Variants in KAZN observed in about 807,000 individuals in gnomAD.
KAZN encodes the protein kazrin.
In KAZN, 40 loss-of-function variants were observed where a neutral mutation model predicts 87.4. That is an observed-to-expected ratio of 0.46 (90% confidence interval 0.36 to 0.60). The LOEUF (loss-of-function observed/expected upper bound fraction) is 0.60, where lower values mean the gene tolerates loss of function less well. KAZN is among the 20% of genes least tolerant of loss of function. KAZN has a pLI of 0.00. For missense variants in KAZN, 898 were observed against 1,073.9 expected (o/e 0.84, Z 2.29); for synonymous variants, 466 against 458.3 (o/e 1.02, Z -0.22).
chr1:14,703,741 A>G (rs1017751225), intron 1 of KAZN, among the ~76,000 whole-genome samples: 2 of 152,104 alleles, frequency 1.3e-5, no homozygotes, highest in African/African-American at 4.8e-5. Context: ...TTAGCCAGGC[A>G]TGGTGGCACA....
intron 2 of KAZN, among the ~76,000 whole-genome samples, chr1:14,551,608 T>C (rs1316838721): frequency 6.6e-6 from 1 of 152,202 alleles, no homozygotes; most frequent in East Asian, 1.9e-4. Context: ...CGTTCCTTTC[T>C]AGGTCAAGGC....
chr1:13,951,103 C>A (rs1641328977), intron 1 of KAZN, among the ~76,000 whole-genome samples: 1 of 152,074 alleles, frequency 6.6e-6, no homozygotes, highest in Admixed American at 6.6e-5. Context: ...CAGGCGATAC[C>A]ATTGCATTGT....
At chr1:14,553,229 T>G (rs921878643) in intron 2 of KAZN, among the ~76,000 whole-genome samples, 2 of 151,966 alleles carry the variant, frequency 1.3e-5, no homozygotes, top group Non-Finnish European at 2.9e-5. Context: ...ACAAAAAAAT[T>G]ACCCAGCCAT....
rs559035095 is a variant in KAZN, at chr1:14,390,246, T to A, written c.250-208737T>A. 5.3e-5 allele frequency among the ~76,000 whole-genome samples: 8 copies of A among 152,282 alleles called. No homozygotes were observed. In the Middle Eastern group the frequency reaches 0.01, roughly 194 times the overall value. On this transcript the variant is annotated intron_variant, in intron 2 of 16. Coordinates refer to the KAZN transcript ENST00000636203. ...TGGAGATGAAGCAGTGAGTAAAACATACAAAAAACAGGCTCTTGTACATCT... is the reference window on the plus strand; with the variant it reads ...TGGAGATGAAGCAGTGAGTAAAACAAACAAAAAACAGGCTCTTGTACATCT...
At chr1:14,390,525 G>C (rs1427117711) in intron 2 of KAZN, among the ~76,000 whole-genome samples, 2 of 152,228 alleles carry the variant, frequency 1.3e-5, no homozygotes, top group African/African-American at 4.8e-5. Context: ...TCCATGCAGG[G>C]AGAACAGCAT....
rs57203868 is a variant in KAZN at position 14,727,450 on chromosome 1, C to CTTTTTTTTTTTTTTTTTTTTTTT, written c.226+128251_226+128273dup. 1.2e-4 allele frequency among the ~76,000 whole-genome samples: 9 copies of CTTTTTTTTTTTTTTTTTTTTTTT among 73,920 alleles called. 1 individual carries two copies. The highest frequency in any genetic ancestry group is 2.3e-4 in the Non-Finnish European group (9 of 38,998). 48.5% of individuals were successfully genotyped at this position (73,920 alleles called of 152,430 possible). The stretch of plus-strand genomic sequence containing the variant: ...GTCCATCACATTTATTGTGCACTTT[C>CTTTTTTTTTTTTTTTTTTTTTTT]TTTTTTTTTTTTTTTTTTTTTTTTT... On this transcript the variant is annotated intron_variant, in intron 1 of 14. Transcript: ENST00000376030.
chr1:14,321,301 A>G (rs1421492631), intron 2 of KAZN, among the ~76,000 whole-genome samples: 1 of 152,148 alleles, frequency 6.6e-6, no homozygotes, highest in Non-Finnish European at 1.5e-5. Flanking sequence ...CAACCAGAAC[A>G]TTTCGTATCG....
chr1:15,092,072 G>GTTTTTTTTTTTTTTTTTTTTTT (rs1557791969), intron 8 of KAZN, among the ~76,000 whole-genome samples: 5 of 79,868 alleles, frequency 6.3e-5, no homozygotes, highest in East Asian at 5.5e-4. Context: ...TTTTTTTTTT[G>GTTTTTTTTTTTTTTTTTTTTTT]ATTTTTTTTT....
chr1:14,484,858 A>G lies in KAZN; in HGVS notation c.250-114125A>G, dbSNP rs1395267100. Among the ~76,000 whole-genome samples the G allele has an allele frequency of 2.6e-5, 4 of 152,198 alleles. No individual in the cohort carries two copies. The East Asian group carries it at 7.7e-4, about 29-fold the overall frequency. ...CAGACATGTTTCACAGCAAAAGCCA[A>G]AAAAGTGAGTGGAAATGCCAAAATG... On this transcript the variant is annotated intron_variant, in intron 2 of 16. Transcript: ENST00000636203.
intron 1 of KAZN, among the ~76,000 whole-genome samples, chr1:13,942,662 C>T (rs12082590): frequency 0.14 from 20,721 of 150,766 alleles, 1,520 homozygotes; most frequent in Middle Eastern, 0.22. Context: ...ATCTCAGGCA[C>T]GCTAGGAAAT....
chr1:14,559,310 A>G (rs188801686), intron 2 of KAZN, among the ~76,000 whole-genome samples: 28 of 152,300 alleles, frequency 1.8e-4, no homozygotes, highest in Non-Finnish European at 4.4e-5. Flanking sequence ...CACCAACTAG[A>G]GGGCCTTTTC....
Position 14,954,786 on chromosome 1 carries a change from C to T in KAZN, c.227-5898C>T, listed in dbSNP as rs142338866. Among the ~76,000 whole-genome samples the T allele has an allele frequency of 6.0e-3, 914 of 152,284 alleles. 17 individuals are homozygous for T. The highest frequency in any genetic ancestry group is 0.02 in the African/African-American group (836 of 41,548). On this transcript the variant is annotated intron_variant, in intron 1 of 14. Transcript: ENST00000376030. ...CCTGGCTAACACGGTGAAACTCCAT[C>T]TCTACTAAAAATAGAAAAAATTAGC...
chr1:14,846,870 T>C (rs900000229), intron 1 of KAZN, among the ~76,000 whole-genome samples: 4 of 152,152 alleles, frequency 2.6e-5, no homozygotes, highest in African/African-American at 7.2e-5. Context: ...AGGGACTGAT[T>C]TGAGGCCACA....
chr1:14,534,577 G>A (rs985934879), intron 2 of KAZN, among the ~76,000 whole-genome samples: 18 of 152,058 alleles, frequency 1.2e-4, no homozygotes, highest in Admixed American at 9.2e-4. Flanking sequence ...CCCAGGAGGC[G>A]GAGGTTGCAG....
chr1:14,503,117 G>A (rs1348249357), intron 2 of KAZN, among the ~76,000 whole-genome samples: 1 of 152,058 alleles, frequency 6.6e-6, no homozygotes, highest in Non-Finnish European at 1.5e-5. Flanking sequence ...CACCAGCTAA[G>A]TGCTTTTGCC....
intron 2 of KAZN, among the ~76,000 whole-genome samples, chr1:14,195,360 A>G (rs1245015846): frequency 6.6e-6 from 1 of 151,964 alleles, no homozygotes; most frequent in Non-Finnish European, 1.5e-5. Flanking sequence ...TGCGTTGCTG[A>G]TAGCTTTTTC....
chr1:14,395,324 A>ATT (rs1208614273), intron 2 of KAZN, among the ~76,000 whole-genome samples: 2 of 152,170 alleles, frequency 1.3e-5, no homozygotes, highest in Non-Finnish European at 2.9e-5. Context: ...TACCTATAAC[A>ATT]TTCTGCTTTC....
intron 2 of KAZN, among the ~76,000 whole-genome samples, chr1:15,032,947 TA>T (rs200734145): frequency 7.5e-5 from 11 of 147,116 alleles, no homozygotes; most frequent in African/African-American, 2.5e-4. Context: ...AGACTCTGTC[TA>T]AAAAAAAAGG....
chr1:14,653,497 C>G (rs909351971), intron 1 of KAZN, among the ~76,000 whole-genome samples: 1 of 152,180 alleles, frequency 6.6e-6, no homozygotes, highest in Non-Finnish European at 1.5e-5. Context: ...GCGGCCAGAC[C>G]GGTCTCAGTT....
Sources: allele counts gnomAD v4.1 joint callset (sites outside exome capture counted in the v4.1 genomes callset), GRCh38; gene constraint gnomAD v4.1.1; transcripts MANE v1.5; gene names NCBI Gene and HGNC (gene_info 2026-07-23, HGNC 2026-07-21).